The following FAF1 variants were observed in gnomAD, a reference collection of about 807,000 sequenced individuals.
The protein encoded by FAF1 is Fas associated factor 1.
In FAF1, 25 loss-of-function variants were observed where a neutral mutation model predicts 92.5. That is an observed-to-expected ratio of 0.27 (90% CI 0.20 to 0.38). The LOEUF is 0.38. FAF1 is among the 10% of genes least tolerant of loss of function. The pLI is 1.00. For missense variants in FAF1, 636 were observed against 793.3 expected, an observed-to-expected ratio of 0.80 and a Z score of 2.38; for synonymous variants, 234 against 273.2, an observed-to-expected ratio of 0.86 and a Z score of 1.42.
chr1:50,705,740 G>A (rs777588550), intron 7 of FAF1, 46 bp downstream of exon 7: 1 of 1,046,030 alleles, frequency 9.6e-7, no homozygotes, highest in East Asian at 2.4e-5. Flanking sequence ...GTCAACATTA[G>A]CTATAATGAG....
At chr1:50,794,647 G>C (rs951028517) in intron 3 of FAF1, among the ~76,000 whole-genome samples, 1 of 152,206 alleles carries the variant, frequency 6.6e-6, no homozygotes, top group Admixed American at 6.5e-5. Flanking sequence ...TTTGGAGACA[G>C]AGTTTCACTC....
At chr1:50,848,328 G>T (rs961228494) in intron 2 of FAF1, among the ~76,000 whole-genome samples, 3 of 152,286 alleles carry the variant, frequency 2.0e-5, no homozygotes, top group Admixed American at 6.5e-5. Context: ...AGAAGAATTG[G>T]AAATACAATG....
chr1:50,911,733 C>G (rs1644887119), intron 1 of FAF1, among the ~76,000 whole-genome samples: 1 of 151,420 alleles, frequency 6.6e-6, no homozygotes, highest in Non-Finnish European at 1.5e-5. Context: ...GGTAAAATAG[C>G]CATAAAATTT....
chr1:50,573,227 T>C (rs1316226811), intron 12 of FAF1, among the ~76,000 whole-genome samples: 1 of 151,790 alleles, frequency 6.6e-6, no homozygotes, highest in East Asian at 1.9e-4. Flanking sequence ...GCCTCCTGAG[T>C]AGCTGAGATT....
At chr1:50,488,455 C>T (rs142277197) in intron 17 of FAF1, among the ~76,000 whole-genome samples, 4 of 152,264 alleles carry the variant, frequency 2.6e-5, no homozygotes, top group African/African-American at 4.8e-5. Context: ...GTATGGTTGA[C>T]GATACACTAA....
At chr1:50,739,628 T>C (rs563037865) in intron 5 of FAF1, among the ~76,000 whole-genome samples, 1 of 152,126 alleles carries the variant, frequency 6.6e-6, no homozygotes, top group Non-Finnish European at 1.5e-5. Context: ...TGGCAAAAAT[T>C]GGCAATATAG....
At chr1:50,753,463 G>A (rs868856827) in intron 4 of FAF1, among the ~76,000 whole-genome samples, 4 of 152,160 alleles carry the variant, frequency 2.6e-5, no homozygotes, top group African/African-American at 2.4e-5. Context: ...TAATGTACAC[G>A]TCTTTGGTGG....
chr1:50,912,692 A>G (rs946964531), intron 1 of FAF1, among the ~76,000 whole-genome samples: 2 of 152,218 alleles, frequency 1.3e-5, no homozygotes, highest in African/African-American at 4.8e-5. Context: ...ACACTATGCA[A>G]TCTACTCACA....
chr1:50,867,345 T>G (rs1010802828), intron 1 of FAF1, among the ~76,000 whole-genome samples: 3 of 152,196 alleles, frequency 2.0e-5, no homozygotes, highest in African/African-American at 7.2e-5. Flanking sequence ...GAAACTTAAC[T>G]AAACTCAAAA....
chr1:50,605,045 T>C (rs1229745627), intron 8 of FAF1, among the ~76,000 whole-genome samples: 2 of 152,186 alleles, frequency 1.3e-5, no homozygotes, highest in Non-Finnish European at 2.9e-5. Context: ...TTACCCACTT[T>C]TATGCTTCCT....
intron 1 of FAF1, among the ~76,000 whole-genome samples, chr1:50,891,793 T>C (rs1644722342): frequency 6.6e-6 from 1 of 152,226 alleles, no homozygotes; most frequent in Non-Finnish European, 1.5e-5. Flanking sequence ...CCAGTTAGGC[T>C]ACTCAGGGGT....
intron 1 of FAF1, 44 bp from the exon 2 acceptor site, chr1:50,858,041 TA>T (rs774217277): frequency 2.2e-6 from 3 of 1,395,076 alleles, no homozygotes; most frequent in Non-Finnish European, 2.0e-6. Flanking sequence ...ATTTTAGAAA[TA>T]GGGAGGTAAA....
At chr1:50,891,601 G>A (rs985283062) in intron 1 of FAF1, among the ~76,000 whole-genome samples, 1 of 152,360 alleles carries the variant, frequency 6.6e-6, no homozygotes, top group East Asian at 1.9e-4. Context: ...CTGCAGGTCT[G>A]TTGGTGTTTG....
rs115032801 is a variant in FAF1 at position 50,448,516 on chromosome 1, C to T, written c.1870-6993G>A. Among the ~76,000 whole-genome samples, 1,499 of 152,230 alleles carry T rather than the reference C, an allele frequency of 9.8e-3. 24 individuals carry two copies. Among genetic ancestry groups the T allele is most frequent in the African/African-American group, 0.034 (1,425 of 41,540 alleles). ...CCTATCTCCCACACAGGGGTGAGAA[C>T]AAACTTATTTGCCTGGTGAATTTGG... On this transcript the variant is annotated intron_variant, in intron 18 of 18. Transcript: ENST00000396153.
intron 1 of FAF1, among the ~76,000 whole-genome samples, chr1:50,942,707 A>G (rs1645143066): frequency 6.6e-6 from 1 of 151,854 alleles, no homozygotes; most frequent in Middle Eastern, 3.2e-3. Flanking sequence ...AAAGCAATTT[A>G]TTCCTCACAA....
Position 50,788,134 on chromosome 1 carries a change from G to C in FAF1, c.233C>G (p.Ser78Cys). The C allele has an allele frequency of 6.2e-7, 1 of 1,614,152 alleles. No homozygotes were observed. The highest frequency in any genetic ancestry group is 8.5e-7 in the Non-Finnish European group (1 of 1,180,022). ...PASHPASAPTSSSSSAFRPVM... is the reference protein window; with the variant it reads ...PASHPASAPTCSSSSAFRPVM... ...AGGTCGAAACGCTGAAGAAGAAGAG[G>C]AAGTAGGAGCTGAAGCTGGATGACT... The change falls in exon 4 of 19, where the codon TCC (serine) becomes TGC (cysteine). Residue 78 changes from serine to cysteine, a missense_variant. Coordinates refer to ENST00000396153, the MANE Select transcript of FAF1 (RefSeq NM_007051.3).
intron 1 of FAF1, among the ~76,000 whole-genome samples, chr1:50,897,782 C>G (rs1476723153): frequency 1.3e-5 from 2 of 152,182 alleles, no homozygotes; most frequent in African/African-American, 4.8e-5. Context: ...TATGACTTTA[C>G]TCTATCAATG....
rs144765499 is a variant in FAF1, at chr1:50,541,312, G to A, written c.1269-1584C>T. 2.9e-4 allele frequency among the ~76,000 whole-genome samples: 44 copies of A among 152,284 alleles called. No homozygotes were observed. The East Asian group carries it at 8.1e-3, about 28-fold the overall frequency. On this transcript the variant is annotated intron_variant, in intron 13 of 18. Transcript: ENST00000396153. ...GGCAGGTTTAAATACACATTCAGAAGAGCAATAACCAGACCTCATGGCAAT... is the reference window on the plus strand; with the variant it reads ...GGCAGGTTTAAATACACATTCAGAAAAGCAATAACCAGACCTCATGGCAAT...
chr1:50,912,305 T>A (rs756985518), intron 1 of FAF1, among the ~76,000 whole-genome samples: 16 of 152,218 alleles, frequency 1.1e-4, no homozygotes, highest in Non-Finnish European at 2.2e-4. Flanking sequence ...TACAGGTTTT[T>A]AGACTCTGTC....
Sources: allele counts gnomAD v4.1 joint callset (sites outside exome capture counted in the v4.1 genomes callset), GRCh38; gene constraint gnomAD v4.1.1; transcripts MANE v1.5; gene names NCBI Gene and HGNC (gene_info 2026-07-23, HGNC 2026-07-21).